The following IL1RAPL2 variants were observed in gnomAD, a reference collection of about 807,000 sequenced individuals.
IL1RAPL2 encodes the protein interleukin 1 receptor accessory protein like 2.
A neutral mutation model predicts 44.1 loss-of-function variants in IL1RAPL2; 3 were observed. The ratio of observed to expected loss-of-function variants is 0.07; its 90% confidence interval spans 0.03 to 0.18. The LOEUF is 0.18. Among genes scored for constraint, IL1RAPL2 ranks in the 10% least tolerant of loss-of-function variants. The pLI is 1.00. For synonymous variants in IL1RAPL2, 181 were observed against 178.8 expected, an observed-to-expected ratio of 1.01 and a Z score of -0.10; for missense variants, 391 against 496.4, an observed-to-expected ratio of 0.79 and a Z score of 2.02.
intron 2 of IL1RAPL2, among the ~76,000 whole-genome samples, chrX:104,876,422 T>C (rs1381186529): frequency 2.7e-5 from 3 of 111,914 alleles, no homozygotes; most frequent in African/African-American, 9.7e-5. Flanking sequence ...GTAGGAAGAC[T>C]TTAAGAAGTC....
chrX:104,759,850 A>G (rs1437059233), intron 2 of IL1RAPL2, among the ~76,000 whole-genome samples: 1 of 111,643 alleles, frequency 9.0e-6, no homozygotes, highest in African/African-American at 3.3e-5. Flanking sequence ...AGTTATTGTT[A>G]TTGACTATAG....
At chrX:105,263,779 G>A (rs1280748871) in intron 4 of IL1RAPL2, among the ~76,000 whole-genome samples, 3 of 111,197 alleles carry the variant, frequency 2.7e-5, no homozygotes, top group Admixed American at 1.9e-4. Context: ...GCCACAAAAC[G>A]GATCTGATTG....
chrX:105,063,904 C>A (rs1341091521), intron 2 of IL1RAPL2, among the ~76,000 whole-genome samples: 1 of 111,991 alleles, frequency 8.9e-6, no homozygotes, highest in Non-Finnish European at 1.9e-5. Context: ...AACAGAGACT[C>A]CTTCTCTGTG....
chrX:104,752,617 G>T (rs891685028), intron 2 of IL1RAPL2, among the ~76,000 whole-genome samples: 1 of 110,485 alleles, frequency 9.1e-6, no homozygotes, highest in Admixed American at 9.7e-5. Context: ...TTAGCATTTA[G>T]CTAAGTATAG....
intron 2 of IL1RAPL2, among the ~76,000 whole-genome samples, chrX:105,035,133 C>T (rs1470828139): frequency 7.2e-5 from 8 of 111,526 alleles, no homozygotes; most frequent in Non-Finnish European, 1.5e-4. Context: ...TTTCCAGGTG[C>T]CGTCTGTCAC....
At chrX:104,958,213 T>C in intron 2 of IL1RAPL2, among the ~76,000 whole-genome samples, 1 of 111,243 alleles carries the variant, frequency 9.0e-6, no homozygotes, top group Non-Finnish European at 1.9e-5. Flanking sequence ...ATATAGCCAG[T>C]CCTTGCCCTT....
chrX:104,970,109 T>G (rs5917183), intron 2 of IL1RAPL2, among the ~76,000 whole-genome samples: 47,355 of 109,494 alleles, frequency 0.43, 7,513 homozygotes, highest in East Asian at 0.46. Flanking sequence ...TACACCAAAA[T>G]ATCTGTAAGA....
At chrX:104,742,222 A>G (rs956062510) in intron 2 of IL1RAPL2, among the ~76,000 whole-genome samples, 2 of 111,835 alleles carry the variant, frequency 1.8e-5, no homozygotes, top group Non-Finnish European at 3.8e-5. Context: ...TACTTTTTCA[A>G]AAACATTTTA....
chrX:104,799,240 T>C (rs1183963679), intron 2 of IL1RAPL2, among the ~76,000 whole-genome samples: 1 of 111,525 alleles, frequency 9.0e-6, no homozygotes, highest in Non-Finnish European at 1.9e-5. Flanking sequence ...TATACTAGTC[T>C]TGCTGCGCCT....
intron 1 of IL1RAPL2, among the ~76,000 whole-genome samples, chrX:104,636,990 A>T (rs1270348975): frequency 2.7e-5 from 3 of 109,878 alleles, no homozygotes; most frequent in African/African-American, 9.9e-5. Context: ...GGCTCCACCC[A>T]TCTCATTAGT....
At chrX:104,604,204 C>T (rs1292633908) in intron 1 of IL1RAPL2, among the ~76,000 whole-genome samples, 1 of 111,787 alleles carries the variant, frequency 8.9e-6, no homozygotes, top group Non-Finnish European at 1.9e-5. Context: ...TGCAGCCAAA[C>T]TGAGCTTCAT....
intron 4 of IL1RAPL2, 65 bp from the exon 5 acceptor site, chrX:105,267,323 G>C: frequency 1.1e-6 from 1 of 950,282 alleles, no homozygotes; most frequent in East Asian, 3.1e-5. Context: ...GTACTAACTT[G>C]CTGGTACTGA....
intron 5 of IL1RAPL2, among the ~76,000 whole-genome samples, chrX:105,271,134 T>A (rs2034443275): frequency 1.8e-5 from 2 of 112,443 alleles, no homozygotes; most frequent in Admixed American, 1.9e-4. Context: ...AAATAATTTC[T>A]CCATATATGT....
At chrX:105,162,069 C>T (rs191381925) in intron 2 of IL1RAPL2, among the ~76,000 whole-genome samples, 214 of 112,181 alleles carry the variant, frequency 1.9e-3, no homozygotes, top group Non-Finnish European at 3.3e-3. Context: ...CACTGTAATT[C>T]CAGAGTTACA....
At chrX:104,658,347 G>C (rs1930313922) in intron 1 of IL1RAPL2, among the ~76,000 whole-genome samples, 3 of 111,843 alleles carry the variant, frequency 2.7e-5, no homozygotes, top group Admixed American at 1.9e-4. Context: ...CCATCATTCT[G>C]AGCAAACTAT....
chrX:105,604,886 T>C (rs1436678795), intron 6 of IL1RAPL2, among the ~76,000 whole-genome samples: 1 of 111,266 alleles, frequency 9.0e-6, no homozygotes, highest in Non-Finnish European at 1.9e-5. Flanking sequence ...AAAAACCATA[T>C]GATCACCTCA....
At chrX:105,359,293 A>G (rs1337893804) in intron 5 of IL1RAPL2, among the ~76,000 whole-genome samples, 1 of 111,506 alleles carries the variant, frequency 9.0e-6, no homozygotes, top group Non-Finnish European at 1.9e-5. Flanking sequence ...ATTGACATAT[A>G]TGCATTCCTG....
At chrX:104,876,901 C>A (rs1206169682) in intron 2 of IL1RAPL2, among the ~76,000 whole-genome samples, 1 of 109,259 alleles carries the variant, frequency 9.2e-6, no homozygotes, top group Non-Finnish European at 1.9e-5. Flanking sequence ...CACAACAGTC[C>A]CCAGAGTGTA....
intron 2 of IL1RAPL2, among the ~76,000 whole-genome samples, chrX:105,033,577 T>G (rs1431848610): frequency 8.9e-6 from 1 of 112,230 alleles, no homozygotes; most frequent in Non-Finnish European, 1.9e-5. Flanking sequence ...CTTGTAGAGT[T>G]TCTGCAGTGC....
Sources: gnomAD v4.1 joint callset for allele counts (sites outside exome capture counted in the v4.1 genomes callset) on GRCh38, gnomAD v4.1.1 for gene constraint, MANE v1.5 for transcripts, NCBI Gene and HGNC (gene_info 2026-07-23, HGNC 2026-07-21) for gene names.